Variants in OSBPL11 observed in about 807,000 individuals in gnomAD.
OSBPL11 encodes oxysterol binding protein like 11, also known as oxysterol-binding protein-related protein 11.
In OSBPL11, 33 loss-of-function variants were observed where a neutral mutation model predicts 84.4. The observed-to-expected ratio is 0.39, with a 90% CI of 0.30 to 0.52. The LOEUF (loss-of-function observed/expected upper bound fraction) is 0.52, where lower values mean the gene tolerates loss of function less well. Among genes scored for constraint, OSBPL11 ranks in the 20% least tolerant of loss-of-function variants. The pLI is 0.72. For missense variants in OSBPL11, 736 were observed against 901.1 expected (o/e 0.82, Z 2.35); for synonymous variants, 276 against 310.2 (o/e 0.89, Z 1.16).
chr3:125,548,224 C>T (rs753864456), intron 9 of OSBPL11, among the ~76,000 whole-genome samples: 2 of 152,038 alleles, frequency 1.3e-5, no homozygotes, highest in Non-Finnish European at 2.9e-5. Context: ...GAGTTTAAGA[C>T]AATGGTATGC....
intron 5 of OSBPL11, among the ~76,000 whole-genome samples, chr3:125,572,883 T>C (rs1936263183): frequency 6.8e-6 from 1 of 146,058 alleles, no homozygotes; most frequent in Non-Finnish European, 1.5e-5. Context: ...ATATTTTATA[T>C]ATATAAAATA....
chr3:125,573,726 T>C (rs1173481819), intron 5 of OSBPL11, among the ~76,000 whole-genome samples: 1 of 151,728 alleles, frequency 6.6e-6, no homozygotes, highest in Non-Finnish European at 1.5e-5. Context: ...TAGCCGGGCA[T>C]GGTGGATGCC....
intron 8 of OSBPL11, among the ~76,000 whole-genome samples, chr3:125,558,938 G>A (rs1936032741): frequency 6.6e-6 from 1 of 152,170 alleles, no homozygotes; most frequent in African/African-American, 2.4e-5. Flanking sequence ...GATGCTACTG[G>A]TCTTCAGATC....
chr3:125,545,526 T>C (rs1935799193), intron 10 of OSBPL11, among the ~76,000 whole-genome samples: 1 of 152,218 alleles, frequency 6.6e-6, no homozygotes, highest in Non-Finnish European at 1.5e-5. Context: ...GATTATAATC[T>C]CAGACTGAAA....
intron 1 of OSBPL11, among the ~76,000 whole-genome samples, chr3:125,583,277 CTATAAG>C (rs1306253243): frequency 6.6e-6 from 1 of 151,788 alleles, no homozygotes; most frequent in Admixed American, 6.6e-5. Flanking sequence ...AACAAATATA[CTATAAG>C]TATTATAAGT....
chr3:125,544,075 T>A (rs1184138414), intron 10 of OSBPL11, among the ~76,000 whole-genome samples: 1 of 151,136 alleles, frequency 6.6e-6, no homozygotes, highest in Non-Finnish European at 1.5e-5. Flanking sequence ...CCAAGATTTT[T>A]TTTTTTTTTT....
chr3:125,579,138 G>A (rs1936381426), intron 3 of OSBPL11, 99 bp from the exon 4 acceptor site: 2 of 837,684 alleles, frequency 2.4e-6, no homozygotes, highest in East Asian at 6.0e-5. Context: ...GCAGATACTG[G>A]TCTTACTCTC....
At chr3:125,567,354 G>A in intron 6 of OSBPL11, 40 bp downstream of exon 6, 1 of 1,490,086 alleles carries the variant, frequency 6.7e-7, no homozygotes, top group Non-Finnish European at 9.4e-7. Context: ...TCCATGTGTT[G>A]GCCTTCATTG....
At chr3:125,566,827 C>T (rs550080884) in intron 6 of OSBPL11, among the ~76,000 whole-genome samples, 10 of 151,612 alleles carry the variant, frequency 6.6e-5, no homozygotes, top group Non-Finnish European at 1.5e-4. Context: ...TTCTGTCACC[C>T]AGGCTGGAGT....
intron 10 of OSBPL11, among the ~76,000 whole-genome samples, chr3:125,545,843 A>G (rs1237625835): frequency 6.6e-6 from 1 of 152,186 alleles, no homozygotes; most frequent in African/African-American, 2.4e-5. Flanking sequence ...TATATTTATA[A>G]CAAATGCAGA....
chr3:125,551,764 C>T (rs1206063582), intron 9 of OSBPL11, among the ~76,000 whole-genome samples: 3 of 151,068 alleles, frequency 2.0e-5, no homozygotes, highest in Non-Finnish European at 2.9e-5. Flanking sequence ...GATGACAGAG[C>T]GAGACTCCAT....
chr3:125,584,019 A>G (rs1311070961), intron 1 of OSBPL11, among the ~76,000 whole-genome samples: 1 of 152,110 alleles, frequency 6.6e-6, no homozygotes, highest in Non-Finnish European at 1.5e-5. Context: ...AAAATTCCCT[A>G]AAGAGCTCCT....
chr3:125,562,725 G>A (rs574348385), intron 7 of OSBPL11, among the ~76,000 whole-genome samples: 2 of 152,176 alleles, frequency 1.3e-5, no homozygotes, highest in South Asian at 2.1e-4. Flanking sequence ...TCCAGAGTTC[G>A]AGACCAGCCT....
chr3:125,564,084 G>T (rs912600502), intron 6 of OSBPL11, among the ~76,000 whole-genome samples: 18 of 152,100 alleles, frequency 1.2e-4, no homozygotes, highest in African/African-American at 4.1e-4. Context: ...CCCTGAATAG[G>T]ACTGAATTTA....
chr3:125,580,241 G>A (rs890966950), intron 2 of OSBPL11, among the ~76,000 whole-genome samples: 15 of 152,136 alleles, frequency 9.9e-5, no homozygotes, highest in African/African-American at 3.1e-4. Context: ...TAGGCCAGGC[G>A]CAGTGGCTCA....
At chr3:125,546,866 G>A (rs1163799907) in intron 10 of OSBPL11, among the ~76,000 whole-genome samples, 4 of 151,304 alleles carry the variant, frequency 2.6e-5, no homozygotes, top group African/African-American at 7.3e-5. Context: ...CAGCCTAGGC[G>A]ACAGAGTGAG....
chr3:125,531,910 T>A lies in OSBPL11; in HGVS notation c.2129A>T (p.His710Leu). 1 of 1,614,072 alleles carries A rather than the reference T, an allele frequency of 6.2e-7. No individual in the cohort carries two copies. Among genetic ancestry groups the A allele is most frequent in the Non-Finnish European group, 8.5e-7 (1 of 1,180,004 alleles). The change falls in exon 12 of 13, where the codon CAT becomes CTT. Residue 710 changes from histidine to leucine, a missense_variant. This residue lies in a region of OSBPL11 where 579 missense variants were observed against 717.6 expected (regional missense o/e 0.81). Transcript: ENST00000296220. ...LEERQRTEER[H>L]RTETGTPWKT... ...CCAAGGTGTGCCTGTTTCAGTACGA[T>A]GCCTTTCTTCAGTCCTCTGACGTTC...
At chr3:125,582,329 G>A (rs1205751358) in intron 2 of OSBPL11, among the ~76,000 whole-genome samples, 3 of 149,024 alleles carry the variant, frequency 2.0e-5, no homozygotes, top group Non-Finnish European at 4.4e-5. Flanking sequence ...GCGAGACTCC[G>A]TCTCAAAAAA....
At chr3:125,534,469 C>T (rs1935609580) in intron 11 of OSBPL11, among the ~76,000 whole-genome samples, 1 of 149,268 alleles carries the variant, frequency 6.7e-6, no homozygotes, top group Non-Finnish European at 1.5e-5. Flanking sequence ...TAAAATCATA[C>T]AAAGTATATT....
Sources: allele counts gnomAD v4.1 joint callset (sites outside exome capture counted in the v4.1 genomes callset), GRCh38; gene constraint gnomAD v4.1.1; regional missense constraint gnomAD v4.1.1; transcripts MANE v1.5; gene names NCBI Gene and HGNC (gene_info 2026-07-23, HGNC 2026-07-21).